TENM3: variants seen among roughly 807,000 people sequenced by gnomAD.
The protein encoded by TENM3 is teneurin transmembrane protein 3.
In TENM3, 63 loss-of-function variants were observed where a neutral mutation model predicts 255.1. The ratio of observed to expected loss-of-function variants is 0.25; its 90% CI spans 0.20 to 0.30. The LOEUF (loss-of-function observed/expected upper bound fraction) is 0.30. Among genes scored for constraint, TENM3 ranks in the 10% least tolerant of loss-of-function variants. TENM3 has a pLI of 1.00. For synonymous variants in TENM3, 1,306 were observed against 1,322.3 expected (o/e 0.99, Z 0.27); for missense variants, 2,929 against 3,461.1 (o/e 0.85, Z 3.86).
intron 12 of TENM3, among the ~76,000 whole-genome samples, chr4:182,708,840 A>C (rs1194621766): frequency 1.3e-5 from 2 of 151,832 alleles, no homozygotes; most frequent in East Asian, 3.9e-4. Context: ...AAAGAGTAAG[A>C]CTTGCCATCT....
the TENM3 span, among the ~76,000 whole-genome samples, chr4:181,623,391 C>T: frequency 0.16 from 24,628 of 152,218 alleles, 2,144 homozygotes; most frequent in Middle Eastern, 0.21. Context: ...GCTTACTTCA[C>T]AGGACAGTGT....
intron 3 of TENM3, among the ~76,000 whole-genome samples, chr4:182,472,202 T>C (rs1214399748): frequency 6.6e-6 from 1 of 152,180 alleles, no homozygotes; most frequent in African/African-American, 2.4e-5. Context: ...GTTCTCTATA[T>C]TTCTTTCATG....
At chr4:181,555,757 C>G in the TENM3 span, among the ~76,000 whole-genome samples, 1 of 152,160 alleles carries the variant, frequency 6.6e-6, no homozygotes, top group Non-Finnish European at 1.5e-5. Context: ...TCCTGTACCT[C>G]TGGCCAGATA....
chr4:182,368,325 G>A (rs1274391276), intron 3 of TENM3, among the ~76,000 whole-genome samples: 1 of 152,160 alleles, frequency 6.6e-6, no homozygotes, highest in African/African-American at 2.4e-5. Context: ...TCTCAATCCT[G>A]AGTAAGATTT....
chr4:181,500,015 C>G, the TENM3 span, among the ~76,000 whole-genome samples: 1 of 151,830 alleles, frequency 6.6e-6, no homozygotes, highest in Non-Finnish European at 1.5e-5. Flanking sequence ...TTCACTGAAA[C>G]TTTTGATGAA....
intron 1 of TENM3, among the ~76,000 whole-genome samples, chr4:182,318,765 T>G (rs1350478265): frequency 1.3e-5 from 2 of 152,216 alleles, no homozygotes; most frequent in African/African-American, 2.4e-5. Flanking sequence ...AATCAGAAGT[T>G]TTTTATCTGT....
intron 1 of TENM3, among the ~76,000 whole-genome samples, chr4:182,179,647 C>T (rs1752722564): frequency 6.6e-6 from 1 of 152,148 alleles, no homozygotes; most frequent in South Asian, 2.1e-4. Flanking sequence ...GTAATCTCTG[C>T]TCTGAAACTG....
chr4:181,975,121 G>A, the TENM3 span: 2 of 148,594 alleles, frequency 1.3e-5, no homozygotes, highest in East Asian at 4.0e-4. Flanking sequence ...TCGCTTTATG[G>A]TTGTGGAGTA....
chr4:181,885,675 T>G, the TENM3 span, among the ~76,000 whole-genome samples: 1 of 152,198 alleles, frequency 6.6e-6, no homozygotes, highest in African/African-American at 2.4e-5. Context: ...CATATAAAAA[T>G]AATTCATAGA....
At chr4:181,630,006 A>C in the TENM3 span, among the ~76,000 whole-genome samples, 4 of 152,186 alleles carry the variant, frequency 2.6e-5, no homozygotes, top group African/African-American at 9.6e-5. Context: ...TTATTGCCTC[A>C]ACTTCAGAGC....
intron 5 of TENM3, among the ~76,000 whole-genome samples, chr4:182,642,718 A>G (rs191705271): frequency 5.9e-5 from 9 of 152,350 alleles, no homozygotes; most frequent in African/African-American, 2.2e-4. Flanking sequence ...GAATGTTATC[A>G]TGTAATACAA....
chr4:181,774,221 G>A, the TENM3 span, among the ~76,000 whole-genome samples: 1 of 68,878 alleles, frequency 1.5e-5, no homozygotes, highest in East Asian at 3.8e-4. Context: ...CTGTGTCCAT[G>A]TGATCTCATT....
chr4:182,327,519 T>C (rs901379169), intron 2 of TENM3, among the ~76,000 whole-genome samples: 20 of 151,402 alleles, frequency 1.3e-4, no homozygotes, highest in African/African-American at 4.6e-4. Flanking sequence ...AACTTGAATT[T>C]AATGGTTTTG....
intron 1 of TENM3, among the ~76,000 whole-genome samples, chr4:182,244,147 G>T (rs1184126885): frequency 9.9e-5 from 15 of 151,348 alleles, no homozygotes; most frequent in African/African-American, 3.4e-4. Context: ...TAGAGACGGG[G>T]TTTCACCATT....
chr4:181,747,962 T>G, the TENM3 span, among the ~76,000 whole-genome samples: 1 of 152,074 alleles, frequency 6.6e-6, no homozygotes, highest in African/African-American at 2.4e-5. Context: ...CACACTCACT[T>G]TGATCTCTGT....
chr4:181,452,624 A>T, the TENM3 span, among the ~76,000 whole-genome samples: 1 of 152,160 alleles, frequency 6.6e-6, no homozygotes, highest in African/African-American at 2.4e-5. Context: ...CATCAATTAA[A>T]CATCTTTCCT....
At position 182,730,918 on chromosome 4, in the gene TENM3, G is replaced by A. The variant is rs1196741887; in HGVS notation, c.2746G>A (p.Val916Ile). The A allele has an allele frequency of 6.2e-7, 1 of 1,613,878 alleles. No individual in the cohort carries two copies. The highest frequency in any genetic ancestry group is 1.7e-5 in the Admixed American group (1 of 60,012). The change falls in exon 16 of 28, where the codon GTA becomes ATA. Residue 916 changes from valine (V) to isoleucine (I), a missense_variant. By Grantham distance (29) the Val-to-Ile change is conservative. This residue lies in a region of TENM3 where 1,608 missense variants were observed against 1,884.4 expected (regional missense o/e 0.85). Transcript: ENST00000511685. ...VANGGASLTLVFERSPFLTQY... is the reference protein window; with the variant it reads ...VANGGASLTLIFERSPFLTQY... Reference sequence around the variant, plus strand: ...AAATGGTGGGGCCTCTCTAACTTTGGTATTTGAACGATCCCCATTCCTCAC... The same window carrying A: ...AAATGGTGGGGCCTCTCTAACTTTGATATTTGAACGATCCCCATTCCTCAC...
the TENM3 span, among the ~76,000 whole-genome samples, chr4:181,682,590 A>G: frequency 0.032 from 4,894 of 152,266 alleles, 248 homozygotes; most frequent in African/African-American, 0.11. Flanking sequence ...TGGGAAGAGA[A>G]AAAATATATA....
At chr4:182,604,859 G>A (rs1218795102) in intron 4 of TENM3, among the ~76,000 whole-genome samples, 1 of 152,044 alleles carries the variant, frequency 6.6e-6, no homozygotes, top group Non-Finnish European at 1.5e-5. Flanking sequence ...GTATGAAATT[G>A]CATATTAAAT....
Sources: gnomAD v4.1 joint callset for allele counts (sites outside exome capture counted in the v4.1 genomes callset) on GRCh38, gnomAD v4.1.1 for gene constraint, gnomAD v4.1.1 regional missense constraint, MANE v1.5 for transcripts, NCBI Gene and HGNC (gene_info 2026-07-23, HGNC 2026-07-21) for gene names.